The following TACC2 variants were observed in gnomAD, a reference collection of about 807,000 sequenced individuals.
TACC2 encodes transforming acidic coiled-coil-containing protein 2.
TACC2 carries 137 observed loss-of-function variants against 227.3 expected under a neutral mutation model. That is an observed-to-expected ratio of 0.60 (90% CI 0.52 to 0.69). The LOEUF (loss-of-function observed/expected upper bound fraction) is 0.69. Ranked by LOEUF, TACC2 falls within the 30% of genes least tolerant of loss-of-function variation. TACC2 has a pLI of 0.00. For synonymous variants in TACC2, 1,523 were observed against 1,487.5 expected (o/e 1.02, Z -0.55); for missense variants, 3,470 against 3,694.4 (o/e 0.94, Z 1.57).
chr10:122,018,239 T>C (rs533152269), intron 1 of TACC2, among the ~76,000 whole-genome samples: 1 of 152,298 alleles, frequency 6.6e-6, no homozygotes, highest in African/African-American at 2.4e-5. Context: ...TTTCTGTTCC[T>C]GTGTTAGTTT....
intron 10 of TACC2, 93 bp from the exon 11 acceptor site, chr10:122,216,534 T>C: frequency 4.7e-6 from 6 of 1,288,242 alleles, no homozygotes; most frequent in Non-Finnish European, 6.5e-6. Flanking sequence ...GACCGGGACC[T>C]GTCCTGGCTA....
At chr10:122,096,672 G>T (rs866164094) in intron 5 of TACC2, among the ~76,000 whole-genome samples, 1 of 149,766 alleles carries the variant, frequency 6.7e-6, no homozygotes, top group East Asian at 2.0e-4. Flanking sequence ...CTCCAGCCTG[G>T]GCGACAGAGC....
At chr10:122,053,067 AC>A (rs1447684378) in intron 3 of TACC2, among the ~76,000 whole-genome samples, 1 of 152,140 alleles carries the variant, frequency 6.6e-6, no homozygotes, top group Non-Finnish European at 1.5e-5. Flanking sequence ...CTGAGTCCTT[AC>A]CTGCCAGGCT....
chr10:122,008,253 T>C (rs577584064), intron 1 of TACC2, among the ~76,000 whole-genome samples: 2 of 67,094 alleles, frequency 3.0e-5, no homozygotes, highest in African/African-American at 5.4e-5. Flanking sequence ...TTTGTTATTA[T>C]TATTATTATT....
At chr10:122,099,812 T>C (rs1003177476) in intron 5 of TACC2, among the ~76,000 whole-genome samples, 8 of 152,236 alleles carry the variant, frequency 5.3e-5, no homozygotes, top group Non-Finnish European at 1.2e-4. Flanking sequence ...GTTTTGTTTT[T>C]TCAAGAAGAT....
At chr10:122,036,241 G>A (rs1262987075) in intron 2 of TACC2, among the ~76,000 whole-genome samples, 4 of 146,346 alleles carry the variant, frequency 2.7e-5, no homozygotes, top group African/African-American at 7.7e-5. Context: ...CACCCAGGAT[G>A]GAGTGCAGTG....
intron 7 of TACC2, among the ~76,000 whole-genome samples, chr10:122,188,726 G>A (rs2094303748): frequency 6.6e-6 from 1 of 152,208 alleles, no homozygotes; most frequent in Non-Finnish European, 1.5e-5. Context: ...ATAACCTAGC[G>A]ATGGTCAGGA....
chr10:122,015,106 TAA>T (rs10590944), intron 1 of TACC2, among the ~76,000 whole-genome samples: 142 of 147,414 alleles, frequency 9.6e-4, no homozygotes, highest in Admixed American at 1.4e-3. Flanking sequence ...TCATCTGCTA[TAA>T]AAAAAAAAAA....
At chr10:122,007,072 G>C (rs1003095747) in intron 1 of TACC2, among the ~76,000 whole-genome samples, 2 of 152,018 alleles carry the variant, frequency 1.3e-5, no homozygotes, top group African/African-American at 4.8e-5. Context: ...ATGTTGGTCA[G>C]GCTGGTCTCA....
chr10:122,120,160 C>T (rs1016415787), intron 5 of TACC2, among the ~76,000 whole-genome samples: 1 of 152,152 alleles, frequency 6.6e-6, no homozygotes, highest in Non-Finnish European at 1.5e-5. Context: ...GTAAGGTCTC[C>T]TGGGGAGCTG....
At chr10:122,112,688 G>A (rs988647184) in intron 5 of TACC2, among the ~76,000 whole-genome samples, 3 of 152,194 alleles carry the variant, frequency 2.0e-5, no homozygotes. Flanking sequence ...CAGCCTTCCC[G>A]GCGTTGCCAT....
chr10:122,166,245 A>C (rs560897727), intron 7 of TACC2, among the ~76,000 whole-genome samples: 1 of 152,324 alleles, frequency 6.6e-6, no homozygotes, highest in Admixed American at 6.5e-5. Flanking sequence ...GCCATGGTGT[A>C]AGAGTGAAAT....
chr10:122,186,330 A>G (rs1390336644), intron 7 of TACC2, among the ~76,000 whole-genome samples: 1 of 151,950 alleles, frequency 6.6e-6, no homozygotes, highest in African/African-American at 2.4e-5. Flanking sequence ...CCGAGGCAGG[A>G]GGGTCGTTTG....
chr10:122,113,795 CG>C (rs2084102455), intron 5 of TACC2, among the ~76,000 whole-genome samples: 1 of 152,240 alleles, frequency 6.6e-6, no homozygotes, highest in African/African-American at 2.4e-5. Flanking sequence ...GAGCGCACTT[CG>C]GGGATCCGGC....
At chr10:122,155,546 TAC>T (rs2092406579) in intron 7 of TACC2, among the ~76,000 whole-genome samples, 1 of 152,200 alleles carries the variant, frequency 6.6e-6, no homozygotes, top group Non-Finnish European at 1.5e-5. Flanking sequence ...CCTAGACAGA[TAC>T]AGTCACCTGG....
chr10:122,213,943 T>C (rs892177491), intron 9 of TACC2, among the ~76,000 whole-genome samples: 1 of 152,210 alleles, frequency 6.6e-6, no homozygotes, highest in African/African-American at 2.4e-5. Context: ...CAGTCCTGCA[T>C]CCTCAGTCAC....
intron 3 of TACC2, among the ~76,000 whole-genome samples, chr10:122,065,363 T>C (rs1260131539): frequency 6.6e-6 from 1 of 152,216 alleles, no homozygotes; most frequent in Non-Finnish European, 1.5e-5. Flanking sequence ...TACTTTACAA[T>C]TTCCTTCTTT....
chr10:122,193,035 C>T (rs999862212), intron 7 of TACC2, among the ~76,000 whole-genome samples: 4 of 152,232 alleles, frequency 2.6e-5, no homozygotes, highest in South Asian at 2.1e-4. Context: ...ATCTTTCCTT[C>T]TCCCCATAGA....
At chr10:122,223,711 A>C (rs1472747590) in intron 11 of TACC2, among the ~76,000 whole-genome samples, 2 of 152,228 alleles carry the variant, frequency 1.3e-5, no homozygotes, top group African/African-American at 2.4e-5. Flanking sequence ...AATAGGCAGA[A>C]ATAAAGGGGC....
Sources: allele counts gnomAD v4.1 joint callset (sites outside exome capture counted in the v4.1 genomes callset), GRCh38; gene constraint gnomAD v4.1.1; transcripts MANE v1.5; gene names NCBI Gene and HGNC (gene_info 2026-07-23, HGNC 2026-07-21).